The following UNC80 variants were observed in gnomAD, a reference collection of about 807,000 sequenced individuals.
The protein encoded by UNC80 is protein unc-80 homolog.
A neutral mutation model predicts 384.6 loss-of-function variants in UNC80; 164 were observed. The ratio of observed to expected loss-of-function variants is 0.43; its 90% CI spans 0.38 to 0.49. The LOEUF is 0.49. Ranked by LOEUF, UNC80 falls within the 20% of genes least tolerant of loss-of-function variation. UNC80 has a pLI of 0.00. For missense variants in UNC80, 3,330 were observed against 4,143.0 expected (o/e 0.80, Z 5.39); for synonymous variants, 1,486 against 1,527.8 (o/e 0.97, Z 0.64).
chr2:209,804,142 CTG>C (rs1289766633), intron 7 of UNC80, among the ~76,000 whole-genome samples: 12 of 152,146 alleles, frequency 7.9e-5, no homozygotes, highest in Admixed American at 7.9e-4. Flanking sequence ...TTTAAAATAC[CTG>C]TGGACTAAAG....
At chr2:209,788,500 T>C (rs1019701846) in intron 5 of UNC80, among the ~76,000 whole-genome samples, 1 of 148,830 alleles carries the variant, frequency 6.7e-6, no homozygotes, top group Admixed American at 6.7e-5. Context: ...TATACTTTTA[T>C]ACTTTTTAAT....
chr2:209,989,382 T>C (rs1369257803), intron 61 of UNC80, among the ~76,000 whole-genome samples: 1 of 152,070 alleles, frequency 6.6e-6, no homozygotes, highest in African/African-American at 2.4e-5. Context: ...TAAGAAGTTG[T>C]CCCACTACTC....
chr2:209,930,037 A>G (rs1354267169), intron 37 of UNC80, 66 bp downstream of exon 37: 1 of 1,157,604 alleles, frequency 8.6e-7, no homozygotes, highest in Non-Finnish European at 1.2e-6. Flanking sequence ...AAAATCATGC[A>G]AAGAACTTTA....
intron 7 of UNC80, chr2:209,808,741 C>G: frequency 4.4e-5 from 2 of 45,876 alleles, no homozygotes; most frequent in Admixed American, 4.7e-4. Flanking sequence ...CAAGGCTCGG[C>G]CTAGTGAGTG....
At chr2:209,889,525 G>A (rs1033723594) in intron 26 of UNC80, among the ~76,000 whole-genome samples, 2 of 152,014 alleles carry the variant, frequency 1.3e-5, no homozygotes, top group Non-Finnish European at 2.9e-5. Flanking sequence ...TAAGCTCTGG[G>A]ATACATGTGC....
chr2:209,917,968 A>C lies in UNC80; in HGVS notation c.5211+10A>C. 1 of 1,551,162 alleles carries C rather than the reference A, an allele frequency of 6.4e-7. No individual in the cohort carries two copies. Among genetic ancestry groups the C allele is most frequent in the Non-Finnish European group, 8.7e-7 (1 of 1,146,568 alleles). The stretch of plus-strand genomic sequence containing the variant: ...ACAGCAGATTTTTAAGGTGAGGGAT[A>C]CTTCTCACAGAGGAGTTACATTAGC... On this transcript the variant is annotated intron_variant, in intron 32 of 64. Transcript: ENST00000673920.
At chr2:209,883,426 CTTTTTTTTTTTT>C (rs35807077) in intron 25 of UNC80, among the ~76,000 whole-genome samples, 12 of 100,534 alleles carry the variant, frequency 1.2e-4, no homozygotes, top group Middle Eastern at 6.3e-3. Flanking sequence ...CCATTCCACT[CTTTTTTTTTTTT>C]TTTTTTTTTT....
chr2:209,805,433 A>G (rs1482493936), intron 7 of UNC80, among the ~76,000 whole-genome samples: 1 of 152,190 alleles, frequency 6.6e-6, no homozygotes, highest in Non-Finnish European at 1.5e-5. Flanking sequence ...ATTTTTTTGC[A>G]TAGTTTCTGA....
chr2:209,856,132 A>G (rs1413944817), intron 22 of UNC80, among the ~76,000 whole-genome samples: 1 of 152,104 alleles, frequency 6.6e-6, no homozygotes, highest in East Asian at 1.9e-4. Context: ...CCAACACTGT[A>G]TTGTCCAATA....
Position 209,771,903 on chromosome 2 carries a change from G to C in UNC80, c.-170G>C, listed in dbSNP as rs1252060162. ...CTCCTCCCGCAGCCATGTTCCACGC[G>C]CGGGGAGGGGTGGGGGGAGGGGAGA... On this transcript the variant is annotated 5_prime_UTR_variant, in exon 1 of 65. Transcript: ENST00000673920. 6.5e-6 allele frequency: 4 copies of C among 612,792 alleles called. No homozygotes were observed. The highest frequency in any genetic ancestry group is 3.1e-6 in the Non-Finnish European group (1 of 327,816). 38.0% of individuals were successfully genotyped at this position (612,792 alleles called of 1,614,324 possible). A position where few individuals can be genotyped will look rare whatever the true frequency, so the allele number is the denominator to read the frequency against.
intron 21 of UNC80, among the ~76,000 whole-genome samples, chr2:209,844,336 T>C (rs946135136): frequency 3.3e-5 from 5 of 152,182 alleles, no homozygotes; most frequent in African/African-American, 1.2e-4. Context: ...GTAGGGTCTC[T>C]CACATTTGGT....
At chr2:209,959,947 A>G (rs1200243746) in intron 51 of UNC80, among the ~76,000 whole-genome samples, 1 of 152,238 alleles carries the variant, frequency 6.6e-6, no homozygotes, top group Non-Finnish European at 1.5e-5. Context: ...AGCACAGTTT[A>G]TATATGTGCT....
rs1027156337 is a variant in UNC80 at position 209,802,180 on chromosome 2, A to G, written c.938+8321A>G. On this transcript the variant is annotated intron_variant, in intron 7 of 64. Transcript: ENST00000673920. ...GATGGATGGGGAAAGGGAGATGTTG[A>G]TCAAAGGGTATAAAATTTCAGTTAG... Among the ~76,000 whole-genome samples the G allele has an allele frequency of 2.6e-5, 4 of 152,176 alleles. No individual in the cohort carries two copies. The East Asian group carries it at 7.7e-4, about 29-fold the overall frequency.
rs151224743 is a variant in UNC80, at chr2:209,939,633, A to G, written c.6627A>G (p.Ser2209=). ...GTAGTGCTATTGATGCTGAGTTTTC[A>G]CTCTTCAGTGATCCTCAAGGTATCA... is the stretch of plus-strand genomic sequence containing the variant. ...FPRSAIDAEF[S]LFSDPQAGKE... is the part of the protein sequence containing the mutation. Residue 2209 remains serine (S), a synonymous_variant, in exon 43 of 65, where the codon TCA becomes TCG. Coordinates refer to ENST00000673920, the MANE Select transcript of UNC80 (RefSeq NM_001371986.1). 2 of 1,548,748 alleles carry G rather than the reference A, an allele frequency of 1.3e-6. No homozygotes were observed. The highest frequency in any genetic ancestry group is 2.4e-5 in the East Asian group (1 of 40,840).
chr2:209,802,310 T>C (rs965826967), intron 7 of UNC80, among the ~76,000 whole-genome samples: 1 of 152,138 alleles, frequency 6.6e-6, no homozygotes, highest in South Asian at 2.1e-4. Flanking sequence ...TTTTAAATAT[T>C]TTTACCACAA....
At chr2:209,844,211 G>T (rs549940685) in intron 21 of UNC80, among the ~76,000 whole-genome samples, 1 of 152,180 alleles carries the variant, frequency 6.6e-6, no homozygotes, top group Non-Finnish European at 1.5e-5. Flanking sequence ...TGGAACTAAA[G>T]TGTGTTCTCC....
At chr2:209,826,357 G>T (rs542648267) in intron 14 of UNC80, among the ~76,000 whole-genome samples, 23 of 152,296 alleles carry the variant, frequency 1.5e-4, no homozygotes, top group Non-Finnish European at 3.2e-4. Context: ...TTGCACAGAT[G>T]AATACATTTA....
At chr2:209,833,659 C>T (rs1307086068) in intron 16 of UNC80, among the ~76,000 whole-genome samples, 3 of 152,174 alleles carry the variant, frequency 2.0e-5, no homozygotes, top group Non-Finnish European at 4.4e-5. Context: ...TTGCAGGCAT[C>T]TCTTCAGAAG....
At chr2:209,880,305 A>C (rs560558683) in intron 24 of UNC80, among the ~76,000 whole-genome samples, 2 of 152,364 alleles carry the variant, frequency 1.3e-5, no homozygotes, top group Non-Finnish European at 2.9e-5. Context: ...AATATTCTGC[A>C]GAGCAAAAGA....
Sources: allele counts gnomAD v4.1 joint callset (sites outside exome capture counted in the v4.1 genomes callset), GRCh38; gene constraint gnomAD v4.1.1; transcripts MANE v1.5; gene names NCBI Gene and HGNC (gene_info 2026-07-23, HGNC 2026-07-21).